Variants in CYTH1 observed in about 807,000 individuals in gnomAD.
CYTH1 encodes the protein cytohesin-1.
CYTH1 carries 18 observed loss-of-function variants against 61.8 expected under a neutral mutation model. The ratio of observed to expected loss-of-function variants is 0.29; its 90% confidence interval spans 0.20 to 0.43. The LOEUF is 0.43. CYTH1 is among the 20% of genes least tolerant of loss of function. The probability of loss-of-function intolerance (pLI) is 1.00; values close to 1 mark genes in which losing one functional copy is unlikely to be tolerated. For synonymous variants in CYTH1, 174 were observed against 184.3 expected, an observed-to-expected ratio of 0.94 and a Z score of 0.45; for missense variants, 336 against 510.5, an observed-to-expected ratio of 0.66 and a Z score of 3.29.
chr17:78,710,809 C>A (rs1377831031), intron 1 of CYTH1, among the ~76,000 whole-genome samples: 1 of 152,092 alleles, frequency 6.6e-6, no homozygotes. Context: ...CAAAGGGCAC[C>A]CACACTCTCA....
At chr17:78,762,061 A>C (rs1447321130) in intron 1 of CYTH1, among the ~76,000 whole-genome samples, 2 of 152,216 alleles carry the variant, frequency 1.3e-5, no homozygotes, top group African/African-American at 4.8e-5. Context: ...ATTACCAAAT[A>C]ATGTTGTGCC....
intron 13 of CYTH1, chr17:78,676,982 G>A (rs2092706833): frequency 2.2e-6 from 1 of 455,950 alleles, no homozygotes; most frequent in South Asian, 1.5e-5. Context: ...CTGACTGCAG[G>A]CAGGGCACTC....
chr17:78,702,047 G>T (rs2093015787), intron 5 of CYTH1, 75 bp downstream of exon 5: 21 of 1,248,042 alleles, frequency 1.7e-5, no homozygotes, highest in Non-Finnish European at 2.2e-5. Flanking sequence ...GAACTTCAGA[G>T]TATTTGGGAG....
In CYTH1 at chr17:78,698,342, G is replaced by C. The variant is rs145755308; in HGVS notation, c.738C>G (p.Ile246Met). 4.3e-6 allele frequency: 7 copies of C among 1,613,208 alleles called. No individual in the cohort carries two copies. The highest frequency in any genetic ancestry group is 5.9e-6 in the Non-Finnish European group (7 of 1,179,750). Residue 246 changes from isoleucine to methionine, a missense_variant, in exon 9 of 14, where the codon ATC (isoleucine) becomes ATG (methionine). Physicochemically the swap from Ile to Met is conservative, Grantham distance 10 (BLOSUM62 1). This residue lies in a region of CYTH1 where 125 missense variants were observed against 209.9 expected (regional missense o/e 0.60). Coordinates refer to ENST00000446868, the MANE Select transcript of CYTH1 (RefSeq NM_004762.6). ...YESIKNEPFKIPEDDGNDLTH... is the reference protein window; with the variant it reads ...YESIKNEPFKMPEDDGNDLTH... ...TGAGGTCATTCCCGTCGTCTTCTGG[G>C]ATTTTAAAGGGTTCATTTTTTATGC...
chr17:78,682,873 A>C (rs1207042897), intron 11 of CYTH1, among the ~76,000 whole-genome samples: 6 of 152,216 alleles, frequency 3.9e-5, no homozygotes, highest in Non-Finnish European at 8.8e-5. Context: ...GGTATTCAGT[A>C]AGCCTTCCAA....
At chr17:78,753,911 TA>T (rs2093390422) in intron 1 of CYTH1, among the ~76,000 whole-genome samples, 1 of 152,126 alleles carries the variant, frequency 6.6e-6, no homozygotes, top group South Asian at 2.1e-4. Context: ...AATAATCCCT[TA>T]AAAAATATAA....
intron 1 of CYTH1, among the ~76,000 whole-genome samples, chr17:78,727,402 C>A (rs1323985642): frequency 6.6e-6 from 1 of 152,180 alleles, no homozygotes; most frequent in Non-Finnish European, 1.5e-5. Flanking sequence ...AGCATAAAAT[C>A]TTCTTCAAAG....
chr17:78,710,153 CCT>C (rs758655534), intron 1 of CYTH1, among the ~76,000 whole-genome samples: 9 of 152,078 alleles, frequency 5.9e-5, no homozygotes, highest in Non-Finnish European at 1.3e-4. Context: ...TCCATGACCC[CCT>C]GAGGTGGGGA....
chr17:78,712,458 GC>G (rs2093144106), intron 1 of CYTH1, among the ~76,000 whole-genome samples: 1 of 151,812 alleles, frequency 6.6e-6, no homozygotes, highest in Non-Finnish European at 1.5e-5. Context: ...TTCAAGACCA[GC>G]CTGGCCAACA....
chr17:78,700,153 C>T lies in CYTH1; in HGVS notation c.550+178G>A, dbSNP rs1165449702. The stretch of plus-strand genomic sequence containing the variant: ...GTTCAGAGGTACCACAATTTAAATT[C>T]ATAGTGCCTTAATGTCAGACTTTCA... On this transcript the variant is annotated intron_variant, in intron 7 of 13. Transcript: ENST00000446868. The surrounding 1 kb of genome is among the most constrained non-coding windows in gnomAD (Gnocchi z 5.1). Among the ~76,000 whole-genome samples, 1 of 152,146 alleles carries T rather than the reference C, an allele frequency of 6.6e-6. No individual in the cohort carries two copies. The highest frequency in any genetic ancestry group is 1.5e-5 in the Non-Finnish European group (1 of 68,022).
intron 1 of CYTH1, among the ~76,000 whole-genome samples, chr17:78,779,915 C>T (rs563804721): frequency 2.7e-4 from 41 of 152,348 alleles, no homozygotes; most frequent in Middle Eastern, 3.4e-3. Context: ...GTATAGGAAA[C>T]TAACACGCCC....
chr17:78,718,375 G>A (rs1227737896), intron 1 of CYTH1, among the ~76,000 whole-genome samples: 1 of 152,140 alleles, frequency 6.6e-6, no homozygotes, highest in African/African-American at 2.4e-5. Flanking sequence ...CCTGCTCAGA[G>A]GAGAACAACT....
At chr17:78,761,784 T>C (rs781330712) in intron 1 of CYTH1, among the ~76,000 whole-genome samples, 8 of 152,194 alleles carry the variant, frequency 5.3e-5, no homozygotes, top group Non-Finnish European at 7.3e-5. Context: ...TTTTAAAGCT[T>C]AAATTCCTCT....
chr17:78,681,196 G>A (rs537280355), intron 11 of CYTH1, 154 bp from the exon 12 acceptor site: 1 of 678,056 alleles, frequency 1.5e-6, no homozygotes, highest in South Asian at 1.9e-5. Context: ...TTCTAAACAA[G>A]AATAACACCA....
At chr17:78,676,263 C>T (rs1462038122) in intron 13 of CYTH1, 94 bp from the exon 14 acceptor site, 2 of 1,240,156 alleles carry the variant, frequency 1.6e-6, no homozygotes, top group Non-Finnish European at 2.3e-6. Context: ...CCTCGTGCCC[C>T]AGAACACCTG....
intron 1 of CYTH1, among the ~76,000 whole-genome samples, chr17:78,718,424 A>G (rs1036174612): frequency 6.6e-6 from 1 of 152,208 alleles, no homozygotes; most frequent in Non-Finnish European, 1.5e-5. Flanking sequence ...AAAAGCGCGC[A>G]TCTGGGAAAC....
At chr17:78,772,757 C>T (rs977105878) in intron 1 of CYTH1, among the ~76,000 whole-genome samples, 4 of 151,804 alleles carry the variant, frequency 2.6e-5, no homozygotes, top group South Asian at 2.1e-4. Context: ...AGGATGGTCT[C>T]GATCTCTTGA....
chr17:78,772,993 C>T (rs2093477662), intron 1 of CYTH1, among the ~76,000 whole-genome samples: 2 of 152,222 alleles, frequency 1.3e-5, no homozygotes, highest in African/African-American at 4.8e-5. Flanking sequence ...CCACACCCGG[C>T]TAATTTTTTT....
intron 1 of CYTH1, among the ~76,000 whole-genome samples, chr17:78,771,629 G>T (rs543334064): frequency 6.6e-6 from 1 of 152,068 alleles, no homozygotes; most frequent in Admixed American, 6.5e-5. Flanking sequence ...TACTTGGGAG[G>T]CTGAGGCAGG....
Sources: allele counts gnomAD v4.1 joint callset (sites outside exome capture counted in the v4.1 genomes callset), GRCh38; gene constraint gnomAD v4.1.1; regional missense constraint gnomAD v4.1.1; non-coding constraint Gnocchi (gnomAD v3.1); transcripts MANE v1.5; gene names NCBI Gene and HGNC (gene_info 2026-07-23, HGNC 2026-07-21).